PDE4DIP: variants seen among roughly 807,000 people sequenced by gnomAD.
The protein encoded by PDE4DIP is myomegalin.
Under a neutral mutation model 221.4 loss-of-function variants are expected in PDE4DIP, and 59 were observed. The observed-to-expected ratio is 0.27, with a 90% CI of 0.22 to 0.33. The LOEUF is 0.33. Ranked by LOEUF, PDE4DIP falls within the 10% of genes least tolerant of loss-of-function variation. PDE4DIP has a pLI of 1.00. For synonymous variants in PDE4DIP, 404 were observed against 815.9 expected (o/e 0.50, Z 8.60); for missense variants, 1,036 against 2,154.2 (o/e 0.48, Z 10.28).
intron 14 of PDE4DIP, among the ~76,000 whole-genome samples, chr1:148,969,685 C>T (rs2058826806): frequency 2.0e-5 from 3 of 147,422 alleles, no homozygotes; most frequent in Admixed American, 2.0e-4. Context: ...ATATTAATTT[C>T]ACAATATTTA....
chr1:149,013,138 G>T (rs1489385461), intron 32 of PDE4DIP, among the ~76,000 whole-genome samples: 1 of 152,238 alleles, frequency 6.6e-6, no homozygotes, highest in Non-Finnish European at 1.5e-5. Context: ...AAGTGGCCAA[G>T]AAAAAGATGG....
At position 148,953,852 on chromosome 1, in the gene PDE4DIP, C is replaced by T. The variant is rs782081790; in HGVS notation, c.637-6802C>T. 10 of 1,604,066 alleles carry T rather than the reference C, an allele frequency of 6.2e-6. No individual in the cohort carries two copies. The South Asian group carries it at 9.0e-5, about 14-fold the overall frequency. ...GAGTTATCCCTTGGAGCTTTCAGACCTGCAGGAGCTGTGGGATGATCTCTG... is the reference window on the plus strand; with the variant it reads ...GAGTTATCCCTTGGAGCTTTCAGACTTGCAGGAGCTGTGGGATGATCTCTG... On this transcript the variant is annotated intron_variant, in intron 5 of 43. Coordinates refer to ENST00000369354, the Ensembl canonical transcript of PDE4DIP.
At chr1:148,996,657 C>T (rs2064296378) in intron 22 of PDE4DIP, among the ~76,000 whole-genome samples, 2 of 152,256 alleles carry the variant, frequency 1.3e-5, no homozygotes, top group African/African-American at 4.8e-5. Context: ...TGAATCGACC[C>T]TACCACAAAC....
intron 27 of PDE4DIP, 56 bp downstream of exon 30, chr1:149,005,493 T>C: frequency 4.1e-6 from 5 of 1,232,554 alleles, no homozygotes; most frequent in Admixed American, 4.6e-5. Flanking sequence ...AGTTCATGCT[T>C]GGCGTAGGGT....
Position 148,898,391 on chromosome 1 carries a change from CA to C in PDE4DIP, c.141+8498del, listed in dbSNP as rs1310323494. ...ATAAAAATGGTATAATAAGGGCTGC[CA>C]TAGAGGTATGGACAGATTTTGCTAT... On this transcript the variant is annotated intron_variant, in intron 1 of 43. Transcript: ENST00000369354. 2.4e-5 allele frequency among the ~76,000 whole-genome samples: 3 copies of C among 125,544 alleles called. 1 individual carries two copies. The highest frequency in any genetic ancestry group is 3.3e-5 in the Non-Finnish European group (2 of 60,936). 82.4% of individuals were successfully genotyped at this position (125,544 alleles called of 152,430 possible).
intron 1 of PDE4DIP, among the ~76,000 whole-genome samples, chr1:148,815,547 C>CAAAAAAA (rs3978512): frequency 1.0e-3 from 27 of 26,474 alleles, no homozygotes; most frequent in East Asian, 1.9e-3. Flanking sequence ...GACTCTGTCT[C>CAAAAAAA]AAAAAAAAAA....
chr1:149,006,585 C>G (rs587676886), intron 27 of PDE4DIP: 46 of 151,856 alleles, frequency 3.0e-4, no homozygotes, highest in African/African-American at 1.1e-3. Context: ...TGCTGTGAAT[C>G]TATGTGATAC....
intron 21 of PDE4DIP, among the ~76,000 whole-genome samples, chr1:148,989,760 CAT>C (rs1396086985): frequency 5.3e-5 from 8 of 152,188 alleles, no homozygotes; most frequent in Non-Finnish European, 8.8e-5. Flanking sequence ...GCTGGAAAAA[CAT>C]AAAAGATTGT....
chr1:148,930,010 A>G (rs1183227195), intron 2 of PDE4DIP: 1 of 151,768 alleles, frequency 6.6e-6, no homozygotes, highest in Non-Finnish European at 1.5e-5. Flanking sequence ...AGTGATATTT[A>G]TAGTATACTG....
rs1277657789 is a variant in PDE4DIP at position 148,909,970 on chromosome 1, T to C, written c.142-19227T>C. ...TCCTAGTTTAAACTAAACATTAGTC[T>C]TCATTCATTTAAAAATATGTACTAA... On this transcript the variant is annotated intron_variant, in intron 1 of 43. Transcript: ENST00000369354. Among the ~76,000 whole-genome samples, 3 of 102,252 alleles carry C rather than the reference T, an allele frequency of 2.9e-5. 1 individual carries two copies. The highest frequency in any genetic ancestry group is 5.7e-5 in the Non-Finnish European group (3 of 53,056). The allele number at this position is 102,252 out of a possible 152,430, so 67.1% of individuals were successfully genotyped here. A position where few individuals can be genotyped will look rare whatever the true frequency, so the allele number is the denominator to read the frequency against.
intron 17 of PDE4DIP, among the ~76,000 whole-genome samples, chr1:148,975,103 A>G (rs879993366): frequency 5.3e-4 from 78 of 146,372 alleles, no homozygotes; most frequent in Admixed American, 1.5e-3. Flanking sequence ...CCCGGGAGGC[A>G]GAGGTTGCAG....
intron 1 of PDE4DIP, among the ~76,000 whole-genome samples, chr1:148,821,425 G>T (rs1553360793): frequency 6.7e-6 from 1 of 150,322 alleles, no homozygotes; most frequent in Admixed American, 6.6e-5. Flanking sequence ...CAAAATTATT[G>T]GATAAAGGCT....
chr1:148,984,019 T>A (rs2061509541), intron 21 of PDE4DIP: 1 of 152,076 alleles, frequency 6.6e-6, no homozygotes, highest in Admixed American at 6.5e-5. Flanking sequence ...CCAAGAGGAC[T>A]TATTTAATGA....
At chr1:148,986,185 A>G (rs1359737433) in intron 21 of PDE4DIP, 2 of 152,172 alleles carry the variant, frequency 1.3e-5, no homozygotes, top group African/African-American at 4.8e-5. Context: ...GGGCAACAAG[A>G]GTGAAACTCT....
intron 4 of PDE4DIP, among the ~76,000 whole-genome samples, chr1:148,932,997 C>T (rs2048402571): frequency 6.6e-6 from 1 of 152,168 alleles, no homozygotes. Flanking sequence ...TGTGAACCTT[C>T]ACCAGACATT....
intron 5 of PDE4DIP, among the ~76,000 whole-genome samples, chr1:148,955,745 G>A (rs1320274648): frequency 6.6e-6 from 1 of 152,096 alleles, no homozygotes; most frequent in African/African-American, 2.4e-5. Context: ...ATAAACTATG[G>A]TAACTGTATC....
At chr1:148,953,948 C>G (rs782351500) in intron 5 of PDE4DIP, 1 of 1,407,308 alleles carries the variant, frequency 7.1e-7, no homozygotes, top group African/African-American at 1.4e-5. Context: ...TTATAGCTAG[C>G]TGGCCTCTGG....
chr1:148,987,443 G>A (rs587729550), intron 21 of PDE4DIP, among the ~76,000 whole-genome samples: 6 of 152,138 alleles, frequency 3.9e-5, no homozygotes, highest in African/African-American at 7.2e-5. Flanking sequence ...GGTTCATGAC[G>A]TGAAAATGTG....
Position 148,936,695 on chromosome 1 carries a change from C to G in PDE4DIP, c.519-1052C>G, listed in dbSNP as rs368871554. On this transcript the variant is annotated intron_variant, in intron 4 of 43. Transcript: ENST00000369354. The stretch of plus-strand genomic sequence containing the variant: ...ATCCTTATTCTAGAAAAGGTTTATT[C>G]TGTTTTTAAATTTTTAATTTTTTTT... Among the ~76,000 whole-genome samples the G allele has an allele frequency of 4.6e-5, 7 of 152,190 alleles. No individual in the cohort carries two copies. The East Asian group carries it at 1.2e-3, about 25-fold the overall frequency.
Sources: allele counts gnomAD v4.1 joint callset (sites outside exome capture counted in the v4.1 genomes callset), GRCh38; gene constraint gnomAD v4.1.1; transcripts MANE v1.5; gene names NCBI Gene and HGNC (gene_info 2026-07-23, HGNC 2026-07-21).